The following LITAF variants were observed in gnomAD, a reference collection of about 807,000 sequenced individuals.
LITAF encodes the protein lipopolysaccharide induced TNF factor.
Under a neutral mutation model 14.5 loss-of-function variants are expected in LITAF, and 9 were observed. The observed-to-expected ratio is 0.62, with a 90% CI of 0.37 to 1.08. The LOEUF (loss-of-function observed/expected upper bound fraction) is 1.08. Ranked by LOEUF, LITAF falls within the 50% of genes least tolerant of loss-of-function variation. LITAF has a pLI of 0.01. For missense variants in LITAF, 206 were observed against 213.4 expected, an observed-to-expected ratio of 0.97 and a Z score of 0.22; for synonymous variants, 98 against 88.2, an observed-to-expected ratio of 1.11 and a Z score of -0.62.
chr16:11,620,895 C>T (rs1390678395), intron 3 of LITAF, among the ~76,000 whole-genome samples: 1 of 152,142 alleles, frequency 6.6e-6, no homozygotes, highest in Non-Finnish European at 1.5e-5. Context: ...ACTGGGCTCG[C>T]CATTTGTGAC....
intron 1 of LITAF, among the ~76,000 whole-genome samples, chr16:11,585,034 T>C (rs8059969): frequency 0.78 from 119,046 of 152,036 alleles, 47,508 homozygotes; most frequent in African/African-American, 0.93. Flanking sequence ...ATGGCAAAAC[T>C]CTGTCTCTAC....
At chr16:11,556,364 G>A (rs2064267846) in intron 2 of LITAF, 147 bp downstream of exon 2, 2 of 652,916 alleles carry the variant, frequency 3.1e-6, no homozygotes, top group East Asian at 2.7e-5. Context: ...CTAAAAGACT[G>A]CGTGTGGAAT....
chr16:11,635,671 C>A (rs951375107), intron 2 of LITAF, among the ~76,000 whole-genome samples: 3 of 152,220 alleles, frequency 2.0e-5, no homozygotes, highest in Non-Finnish European at 4.4e-5. Flanking sequence ...AAGAAAAATG[C>A]CCAAACTGCA....
At chr16:11,620,059 T>A (rs993321178) in intron 3 of LITAF, among the ~76,000 whole-genome samples, 1 of 151,164 alleles carries the variant, frequency 6.6e-6, no homozygotes, top group African/African-American at 2.4e-5. Flanking sequence ...TCCCAGCTAC[T>A]TGGGAGGCTG....
intron 3 of LITAF, among the ~76,000 whole-genome samples, chr16:11,631,220 A>G (rs1360627180): frequency 6.6e-6 from 1 of 152,098 alleles, no homozygotes; most frequent in Non-Finnish European, 1.5e-5. Context: ...ATCACCACAA[A>G]CTGAGGCGCT....
At chr16:11,598,922 C>A (rs936498130), upstream of LITAF, among the ~76,000 whole-genome samples, 1 of 151,652 alleles carries the variant, frequency 6.6e-6, no homozygotes, top group Non-Finnish European at 1.5e-5. Flanking sequence ...CGGGTTCAAG[C>A]GATTCTCCTG....
At chr16:11,562,709 A>G (rs2064388462) in intron 1 of LITAF, among the ~76,000 whole-genome samples, 1 of 152,058 alleles carries the variant, frequency 6.6e-6, no homozygotes, top group African/African-American at 2.4e-5. Flanking sequence ...CCAGTCTGGG[A>G]AACAAATTCA....
In LITAF at chr16:11,553,900, G is replaced by A. The variant is rs969387280; in HGVS notation, c.221-211C>T. On this transcript the variant is annotated intron_variant, in intron 2 of 3. Transcript: ENST00000622633. The surrounding 1 kb of genome is among the most constrained non-coding windows in gnomAD (Gnocchi z 7.7). ...CGACGGACCAATAAACTAACACAGC[G>A]AAGTTTATCCATCCACCAGAATATG... Among the ~76,000 whole-genome samples, 6 of 152,052 alleles carry A rather than the reference G, an allele frequency of 3.9e-5. No individual in the cohort carries two copies. The highest frequency in any genetic ancestry group is 7.4e-5 in the Non-Finnish European group (5 of 68,022).
chr16:11,620,866 G>A (rs548067604), intron 3 of LITAF, among the ~76,000 whole-genome samples: 1 of 152,256 alleles, frequency 6.6e-6, no homozygotes, highest in African/African-American at 2.4e-5. Flanking sequence ...TGCTGCTCCA[G>A]GACATGTCAA....
At position 11,553,437 on chromosome 16, in the gene LITAF, C is replaced by T. The variant is rs569265497; in HGVS notation, c.377+96G>A. On this transcript the variant is annotated intron_variant, in intron 3 of 3. Transcript: ENST00000622633. This position sits in a 1 kb window ranked among gnomAD's most constrained non-coding sequence, Gnocchi z 7.7. ...AAAAAAAACAACACAAATGTCTGGC[C>T]CTGAATGTCAAGCATGGTGCAGTTG... The T allele has an allele frequency of 1.4e-3, 1,885 of 1,327,098 alleles. 7 individuals are homozygous for T. The highest frequency in any genetic ancestry group is 1.7e-3 in the Non-Finnish European group (1,609 of 941,668). The allele number at this position is 1,327,098 out of a possible 1,614,324, so 82.2% of individuals were successfully genotyped here. A position where few individuals can be genotyped will look rare whatever the true frequency, so the allele number is the denominator to read the frequency against.
chr16:11,557,018 A>G (rs1368749037), intron 1 of LITAF, among the ~76,000 whole-genome samples: 1 of 152,064 alleles, frequency 6.6e-6, no homozygotes, highest in Non-Finnish European at 1.5e-5. Flanking sequence ...AACCATTACC[A>G]GACAATGACC....
intron 3 of LITAF, among the ~76,000 whole-genome samples, chr16:11,619,327 A>C (rs2065036286): frequency 6.6e-6 from 1 of 151,298 alleles, no homozygotes; most frequent in Non-Finnish European, 1.5e-5. Context: ...AAAAAACAAA[A>C]AAAAAAACCC....
chr16:11,606,397 G>A lies in LITAF; in HGVS notation c.85+27136C>T, dbSNP rs1244246878. Among the ~76,000 whole-genome samples, 3 of 151,942 alleles carry A rather than the reference G, an allele frequency of 2.0e-5. No homozygotes were observed. In the East Asian group the frequency reaches 5.8e-4, roughly 29 times the overall value. ...TTGCCCAGGCTGGTCTCGAACTCCT[G>A]ATCGCAACTGATCCACCTGCCTCGG... is the stretch of plus-strand genomic sequence containing the variant. On this transcript the variant is annotated intron_variant, in intron 3 of 3. Coordinates refer to the LITAF transcript ENST00000574848.
intron 3 of LITAF, among the ~76,000 whole-genome samples, chr16:11,628,971 C>T (rs1174142176): frequency 6.6e-6 from 1 of 152,182 alleles, no homozygotes; most frequent in Admixed American, 6.5e-5. Context: ...CCATTGCTCC[C>T]AGCCTATTTT....
At chr16:11,624,640 T>C (rs2065072340) in intron 3 of LITAF, among the ~76,000 whole-genome samples, 1 of 152,206 alleles carries the variant, frequency 6.6e-6, no homozygotes, top group Non-Finnish European at 1.5e-5. Flanking sequence ...CCATTTATAT[T>C]CACTATCACC....
At chr16:11,595,500 C>T (rs1410235166) in intron 1 of LITAF, among the ~76,000 whole-genome samples, 1 of 152,100 alleles carries the variant, frequency 6.6e-6, no homozygotes, top group Non-Finnish European at 1.5e-5. Flanking sequence ...GAGGCCGAGG[C>T]GGGTGGATCA....
intron 3 of LITAF, among the ~76,000 whole-genome samples, chr16:11,618,592 C>G (rs935435991): frequency 3.3e-5 from 5 of 152,198 alleles, no homozygotes. Context: ...AAGATAGTTT[C>G]TCTCTGGCCA....
chr16:11,617,456 G>A (rs923674203), intron 3 of LITAF, among the ~76,000 whole-genome samples: 7 of 118,756 alleles, frequency 5.9e-5, no homozygotes, highest in African/African-American at 1.8e-4. Flanking sequence ...TTTTTGAGTC[G>A]GAGCCTTGCT....
rs934414621 is a variant in LITAF at position 11,605,855 on chromosome 16, G to A, written c.85+27678C>T. Among the ~76,000 whole-genome samples the A allele has an allele frequency of 7.9e-5, 12 of 152,154 alleles. No individual in the cohort carries two copies. Among genetic ancestry groups the A allele is most frequent in the African/African-American group, 2.9e-4 (12 of 41,440 alleles). ...ACTCTCACAACCGCACCAGGAGGTAGGTTCCACTGTTCCCACGGAAACTTA... is the reference window on the plus strand; with the variant it reads ...ACTCTCACAACCGCACCAGGAGGTAAGTTCCACTGTTCCCACGGAAACTTA... On this transcript the variant is annotated intron_variant, in intron 3 of 3. Coordinates refer to the LITAF transcript ENST00000574848. The surrounding 1 kb of genome is among the most constrained non-coding windows in gnomAD (Gnocchi z 4.7).
Sources: gnomAD v4.1 joint callset for allele counts (sites outside exome capture counted in the v4.1 genomes callset) on GRCh38, gnomAD v4.1.1 for gene constraint, Gnocchi (gnomAD v3.1) non-coding constraint, MANE v1.5 for transcripts, NCBI Gene and HGNC (gene_info 2026-07-23, HGNC 2026-07-21) for gene names.